Variants in ZFAT observed in about 807,000 individuals in gnomAD.
The protein encoded by ZFAT is zinc finger and AT-hook domain containing.
A neutral mutation model predicts 117.7 loss-of-function variants in ZFAT; 64 were observed. The ratio of observed to expected loss-of-function variants is 0.54; its 90% CI spans 0.44 to 0.67. The LOEUF is 0.67. Among genes scored for constraint, ZFAT ranks in the 30% least tolerant of loss-of-function variants. The pLI is 0.00. For missense variants in ZFAT, 1,433 were observed against 1,584.5 expected (o/e 0.90, Z 1.62); for synonymous variants, 679 against 615.0 (o/e 1.10, Z -1.54).
At chr8:134,661,722 A>G (rs1198231963) in intron 1 of ZFAT, among the ~76,000 whole-genome samples, 2 of 152,230 alleles carry the variant, frequency 1.3e-5, no homozygotes, top group African/African-American at 4.8e-5. Context: ...AGCAGGCATG[A>G]CACCATCACT....
At chr8:134,831,047 C>A in the ZFAT span, among the ~76,000 whole-genome samples, 2 of 152,178 alleles carry the variant, frequency 1.3e-5, no homozygotes, top group Non-Finnish European at 2.9e-5. Context: ...CGGGTCAATG[C>A]GATTACTTAA....
chr8:134,705,695 AT>A (rs35425925), intron 1 of ZFAT, among the ~76,000 whole-genome samples: 3,090 of 145,360 alleles, frequency 0.021, 122 homozygotes, highest in African/African-American at 0.073. Context: ...AGCCTGGCTA[AT>A]TTTTTTTTTT....
At chr8:134,624,179 T>TGCAC (rs1554605634) in intron 3 of ZFAT, among the ~76,000 whole-genome samples, 1 of 81,746 alleles carries the variant, frequency 1.2e-5, no homozygotes, top group African/African-American at 4.5e-5. Flanking sequence ...CATGTGCACA[T>TGCAC]GCACACACAC....
intron 2 of ZFAT, chr8:134,639,638 T>C (rs1183365632): frequency 4.4e-6 from 2 of 454,976 alleles, no homozygotes; most frequent in Non-Finnish European, 8.8e-6. Context: ...AGGTACAGAG[T>C]AAGAAACCAT....
intron 15 of ZFAT, among the ~76,000 whole-genome samples, chr8:134,496,265 T>A (rs972577767): frequency 6.6e-6 from 1 of 152,194 alleles, no homozygotes; most frequent in Non-Finnish European, 1.5e-5. Context: ...AGAAGAGAAG[T>A]GTTTTGTCCA....
intron 15 of ZFAT, among the ~76,000 whole-genome samples, chr8:134,505,064 G>T (rs1819288076): frequency 1.3e-5 from 2 of 152,112 alleles, no homozygotes; most frequent in Admixed American, 1.3e-4. Flanking sequence ...CCTGTTTAAG[G>T]CTGCATTTTC....
chr8:134,746,879 T>C, the ZFAT span, among the ~76,000 whole-genome samples: 1 of 152,184 alleles, frequency 6.6e-6, no homozygotes, highest in Admixed American at 6.5e-5. Flanking sequence ...TGAGCTATAA[T>C]ATGTCTGCGA....
chr8:134,681,728 G>T (rs144318604), intron 1 of ZFAT, among the ~76,000 whole-genome samples: 38 of 152,286 alleles, frequency 2.5e-4, no homozygotes, highest in African/African-American at 7.0e-4. Flanking sequence ...ATGAGGAGAG[G>T]AGTAGGGTGG....
At chr8:134,552,333 C>T (rs756596233) in intron 11 of ZFAT, among the ~76,000 whole-genome samples, 1 of 152,166 alleles carries the variant, frequency 6.6e-6, no homozygotes, top group Non-Finnish European at 1.5e-5. Flanking sequence ...TTTATTTGTA[C>T]TTATGTTTTT....
intron 11 of ZFAT, among the ~76,000 whole-genome samples, chr8:134,543,776 G>T (rs1822466890): frequency 6.6e-6 from 1 of 152,052 alleles, no homozygotes; most frequent in African/African-American, 2.4e-5. Context: ...GATCACGTTG[G>T]ATTCAATGCT....
At chr8:134,521,957 TG>T (rs1348997605) in intron 12 of ZFAT, among the ~76,000 whole-genome samples, 1 of 152,232 alleles carries the variant, frequency 6.6e-6, no homozygotes, top group East Asian at 1.9e-4. Flanking sequence ...TCGCAAACTC[TG>T]GCTTCCCATC....
At chr8:134,600,313 G>A (rs759831930) in intron 7 of ZFAT, 123 bp downstream of exon 7, 4 of 904,286 alleles carry the variant, frequency 4.4e-6, no homozygotes, top group Non-Finnish European at 5.6e-6. Context: ...GCTGTGTAAG[G>A]AGAAGGATCT....
chr8:134,749,382 G>A, the ZFAT span, among the ~76,000 whole-genome samples: 1 of 152,200 alleles, frequency 6.6e-6, no homozygotes, highest in Non-Finnish European at 1.5e-5. Flanking sequence ...GGAAGTCCAA[G>A]ATCAAGTTGC....
chr8:134,793,161 C>T, the ZFAT span: 2 of 152,150 alleles, frequency 1.3e-5, no homozygotes, highest in Non-Finnish European at 2.9e-5. Flanking sequence ...AAATATTTAT[C>T]ATGCCAATGA....
the ZFAT span, among the ~76,000 whole-genome samples, chr8:134,771,099 C>T: frequency 1.1e-4 from 16 of 152,364 alleles, no homozygotes; most frequent in East Asian, 3.1e-3. Flanking sequence ...TACTTGATGT[C>T]TGTCACCCAC....
intron 15 of ZFAT, among the ~76,000 whole-genome samples, chr8:134,490,046 C>T (rs1015009644): frequency 6.6e-6 from 1 of 152,192 alleles, no homozygotes; most frequent in African/African-American, 2.4e-5. Context: ...CCAGTCCTCC[C>T]CTCCCCAGAG....
intron 15 of ZFAT, among the ~76,000 whole-genome samples, chr8:134,495,359 T>C (rs142772370): frequency 6.8e-4 from 104 of 152,206 alleles, no homozygotes; most frequent in African/African-American, 2.4e-3. Context: ...ACTCATCGCA[T>C]TCATGGGGCT....
intron 2 of ZFAT, among the ~76,000 whole-genome samples, chr8:134,644,131 C>T (rs1830739401): frequency 4.6e-5 from 7 of 152,198 alleles, no homozygotes; most frequent in Admixed American, 4.6e-4. Flanking sequence ...TGCCTTTTTG[C>T]CTATTTGCCA....
At position 134,698,440 on chromosome 8, in the gene ZFAT, C is replaced by G. The variant is rs371546114; in HGVS notation, c.19+14405G>C. ...AGCGGGGGAACCTGACAGCGCCGGA[C>G]AGCCAACTATTCAGACACTCCAGTA... On this transcript the variant is annotated intron_variant, in intron 1 of 15. Transcript: ENST00000377838. Among the ~76,000 whole-genome samples, 4 of 152,238 alleles carry G rather than the reference C, an allele frequency of 2.6e-5. No homozygotes were observed. In the South Asian group the frequency reaches 8.3e-4, roughly 32 times the overall value.
Sources: gnomAD v4.1 joint callset for allele counts (sites outside exome capture counted in the v4.1 genomes callset) on GRCh38, gnomAD v4.1.1 for gene constraint, MANE v1.5 for transcripts, NCBI Gene and HGNC (gene_info 2026-07-23, HGNC 2026-07-21) for gene names.